The following GPR137C variants were observed in gnomAD, a reference collection of about 807,000 sequenced individuals.
The protein encoded by GPR137C is integral membrane protein GPR137C.
In GPR137C, 27 loss-of-function variants were observed where a neutral mutation model predicts 43.4. That is an observed-to-expected ratio of 0.62 (90% confidence interval 0.46 to 0.86). GPR137C has a LOEUF of 0.86. Among genes scored for constraint, GPR137C ranks in the 40% least tolerant of loss-of-function variants. The pLI is 0.00. For missense variants in GPR137C, 522 were observed against 534.6 expected (o/e 0.98, Z 0.23); for synonymous variants, 285 against 226.9 (o/e 1.26, Z -2.30).
At chr14:52,557,097 T>A (rs2038206528) in intron 1 of GPR137C, among the ~76,000 whole-genome samples, 1 of 152,200 alleles carries the variant, frequency 6.6e-6, no homozygotes, top group African/African-American at 2.4e-5. Context: ...TTTTGTTCTG[T>A]TCTTTGATTT....
intron 1 of GPR137C, among the ~76,000 whole-genome samples, chr14:52,560,066 AG>A (rs1050015685): frequency 1.3e-5 from 2 of 152,148 alleles, no homozygotes; most frequent in African/African-American, 4.8e-5. Flanking sequence ...CTGAGGTGGG[AG>A]GATCACTTGA....
Position 52,553,219 on chromosome 14 carries a change from C to A in GPR137C, c.72C>A (p.Gly24=), listed in dbSNP as rs1384520279. Residue 24 remains glycine (G), a synonymous_variant, in exon 1 of 7, where the codon GGC becomes GGA. Coordinates refer to ENST00000321662, the MANE Select transcript of GPR137C (RefSeq NM_001099652.2). The part of the protein sequence containing the change: ...PAAGREPSTP[G]GGSGGGGAVA... Reference sequence around the variant, plus strand: ...CCGGCCGCGAGCCCTCCACGCCCGGCGGGGGCAGCGGAGGCGGAGGCGCCG... The same window carrying A: ...CCGGCCGCGAGCCCTCCACGCCCGGAGGGGGCAGCGGAGGCGGAGGCGCCG... 1 of 1,270,376 alleles carries A rather than the reference C, an allele frequency of 7.9e-7. No homozygotes were observed. Among genetic ancestry groups the A allele is most frequent in the South Asian group, 2.7e-5 (1 of 36,958 alleles). The allele number at this position is 1,270,376 out of a possible 1,614,324, so 78.7% of individuals were successfully genotyped here. A position where few individuals can be genotyped will look rare whatever the true frequency, so the allele number is the denominator to read the frequency against.
Position 52,632,183 on chromosome 14 carries a change from C to T in GPR137C, c.741C>T (p.Val247=), listed in dbSNP as rs1246424227. ...AGGGTATGTCTCTGTGCCAGACTGT[C>T]GTCGTGGGCTCTGTAGTCATTCTTC... ...ESKGMSLCQT[V]VVGSVVILLY... The change falls in exon 4 of 7, where the codon GTC becomes GTT. Residue 247 remains valine (V), a synonymous_variant. Transcript: ENST00000321662. The T allele has an allele frequency of 6.2e-7, 1 of 1,606,526 alleles. No individual in the cohort carries two copies. The highest frequency in any genetic ancestry group is 1.3e-5 in the African/African-American group (1 of 74,844).
chr14:52,619,908 G>A (rs1369226553), intron 3 of GPR137C, among the ~76,000 whole-genome samples: 3 of 152,018 alleles, frequency 2.0e-5, no homozygotes. Context: ...ATTTCAAAAT[G>A]GAAATAGTAT....
intron 3 of GPR137C, among the ~76,000 whole-genome samples, chr14:52,614,133 T>C (rs901326710): frequency 3.3e-5 from 5 of 151,980 alleles, no homozygotes; most frequent in African/African-American, 1.2e-4. Flanking sequence ...CTTTTTTTTT[T>C]TTTTGAGACA....
intron 1 of GPR137C, among the ~76,000 whole-genome samples, chr14:52,570,491 T>C (rs540197775): frequency 6.2e-4 from 94 of 152,238 alleles, no homozygotes; most frequent in African/African-American, 2.2e-3. Flanking sequence ...CATTCACACA[T>C]AGCAATATTA....
intron 3 of GPR137C, among the ~76,000 whole-genome samples, chr14:52,605,983 A>C (rs1055428906): frequency 2.0e-5 from 3 of 152,022 alleles, no homozygotes; most frequent in African/African-American, 7.2e-5. Flanking sequence ...TTTTCATCAG[A>C]GATGTTGGCC....
chr14:52,609,399 G>C (rs2039015121), intron 3 of GPR137C, among the ~76,000 whole-genome samples: 1 of 152,086 alleles, frequency 6.6e-6, no homozygotes, highest in Non-Finnish European at 1.5e-5. Flanking sequence ...CATCACTTTG[G>C]GGTAAGTGGC....
At chr14:52,601,498 G>GTGTGTA (rs1555349110) in intron 3 of GPR137C, among the ~76,000 whole-genome samples, 2 of 148,198 alleles carry the variant, frequency 1.3e-5, no homozygotes, top group African/African-American at 4.9e-5. Context: ...GTGTGTGTGT[G>GTGTGTA]TATATATATA....
At chr14:52,559,565 T>C (rs1184754423) in intron 1 of GPR137C, among the ~76,000 whole-genome samples, 1 of 151,984 alleles carries the variant, frequency 6.6e-6, no homozygotes, top group African/African-American at 2.4e-5. Flanking sequence ...TTCAGTCTAA[T>C]AAAAAGCATC....
At chr14:52,626,630 A>G (rs1025800566) in intron 3 of GPR137C, among the ~76,000 whole-genome samples, 4 of 152,178 alleles carry the variant, frequency 2.6e-5, no homozygotes, top group Non-Finnish European at 5.9e-5. Flanking sequence ...TCAATATTCC[A>G]ATAAGACAAG....
rs1251696801 is a variant in GPR137C at position 52,636,763 on chromosome 14, T to C, written c.*1648T>C. On this transcript the variant is annotated 3_prime_UTR_variant, in exon 7 of 7. Coordinates refer to ENST00000321662, the MANE Select transcript of GPR137C (RefSeq NM_001099652.2). Reference sequence around the variant, plus strand: ...GTATTCAATCAGAAGCATATACTTATGTTATTTTGGGTTTGTTTATAATTC... The same window carrying C: ...GTATTCAATCAGAAGCATATACTTACGTTATTTTGGGTTTGTTTATAATTC... 3 of 152,152 alleles carry C rather than the reference T, an allele frequency of 2.0e-5. No homozygotes were observed. Among genetic ancestry groups the C allele is most frequent in the African/African-American group, 2.4e-5 (1 of 41,466 alleles). 9.4% of individuals were successfully genotyped at this position (152,152 alleles called of 1,614,324 possible).
At chr14:52,598,573 C>G (rs1181350358) in intron 2 of GPR137C, among the ~76,000 whole-genome samples, 1 of 152,114 alleles carries the variant, frequency 6.6e-6, no homozygotes, top group African/African-American at 2.4e-5. Flanking sequence ...TTTTGCTGCT[C>G]TGTCCCTGCT....
Position 52,572,729 on chromosome 14 carries a change from A to G in GPR137C, c.444+19138A>G, listed in dbSNP as rs143028536. On this transcript the variant is annotated intron_variant, in intron 1 of 6. Coordinates refer to ENST00000321662, the MANE Select transcript of GPR137C (RefSeq NM_001099652.2). ...TCTCTCCCCTCCTATTCAACATAGT[A>G]TTGGAAGTTCTGGCCAGGACAATCA... is the stretch of plus-strand genomic sequence containing the variant. Among the ~76,000 whole-genome samples, 461 of 152,322 alleles carry G rather than the reference A, an allele frequency of 3.0e-3. 2 individuals are homozygous for G. Among genetic ancestry groups the G allele is most frequent in the African/African-American group, 0.01 (435 of 41,566 alleles).
chr14:52,621,819 AGAGC>A, intron 3 of GPR137C, among the ~76,000 whole-genome samples: 1 of 151,868 alleles, frequency 6.6e-6, no homozygotes, highest in Middle Eastern at 3.4e-3. Flanking sequence ...ATGATGCCAG[AGAGC>A]TTTTGTTTGT....
intron 1 of GPR137C, among the ~76,000 whole-genome samples, chr14:52,575,445 G>T (rs1382593192): frequency 1.3e-5 from 2 of 152,164 alleles, no homozygotes; most frequent in Non-Finnish European, 2.9e-5. Flanking sequence ...AGTCGGGCAT[G>T]TAAAGTTACC....
intron 3 of GPR137C, among the ~76,000 whole-genome samples, chr14:52,616,706 T>A (rs1280245131): frequency 6.6e-6 from 1 of 152,216 alleles, no homozygotes; most frequent in South Asian, 2.1e-4. Context: ...TCCAGGTTCT[T>A]GTTAGAGAAA....
In GPR137C at chr14:52,600,270, G is replaced by T; in HGVS notation, c.646G>T (p.Ala216Ser). 1.9e-6 allele frequency: 3 copies of T among 1,613,400 alleles called. No individual in the cohort carries two copies. The highest frequency in any genetic ancestry group is 2.5e-6 in the Non-Finnish European group (3 of 1,179,528). Residue 216 changes from alanine (A) to serine (S), a missense_variant, in exon 3 of 7, where the codon GCC (alanine) becomes TCC (serine). Around this residue, in one of 3 missense-constraint regions of GPR137C, gnomAD observed 437 missense variants for 425.7 expected, o/e 1.03. Coordinates refer to ENST00000321662, the MANE Select transcript of GPR137C (RefSeq NM_001099652.2). ...TAATGATAGCCTGTTTATTCTTTGT[G>T]CCATCTCTTTAGTGTGTTACATATG... ...LINDSLFILC[A>S]ISLVCYICKI...
intron 1 of GPR137C, chr14:52,597,012 C>T (rs2038864946): frequency 2.2e-6 from 1 of 455,188 alleles, no homozygotes; most frequent in Non-Finnish European, 4.4e-6. Context: ...TTTCTCAGAA[C>T]ATATATCTCT....
Sources: gnomAD v4.1 joint callset for allele counts (sites outside exome capture counted in the v4.1 genomes callset) on GRCh38, gnomAD v4.1.1 for gene constraint, gnomAD v4.1.1 regional missense constraint, MANE v1.5 for transcripts, NCBI Gene and HGNC (gene_info 2026-07-23, HGNC 2026-07-21) for gene names.